NFIB: variants seen among roughly 807,000 people sequenced by gnomAD.
NFIB encodes nuclear factor 1 B-type.
In NFIB, 11 loss-of-function variants were observed where a neutral mutation model predicts 61.5. The observed-to-expected ratio is 0.18, with a 90% CI of 0.11 to 0.30. The LOEUF (loss-of-function observed/expected upper bound fraction) is 0.30. Among genes scored for constraint, NFIB ranks in the 10% least tolerant of loss-of-function variants. NFIB has a pLI of 1.00. For synonymous variants in NFIB, 260 were observed against 216.5 expected (o/e 1.20, Z -1.76); for missense variants, 471 against 608.9 (o/e 0.77, Z 2.38).
In NFIB at chr9:14,307,535, G is replaced by A. The variant is rs115108970; in HGVS notation, c.31-15C>T. On this transcript the variant is annotated splice_polypyrimidine_tract_variant and intron_variant, in intron 1 of 10. Transcript: ENST00000380953. This position sits in a 1 kb window ranked among gnomAD's most constrained non-coding sequence, Gnocchi z 5.3. Reference sequence around the variant, plus strand: ...TGAAATTCATCCTGTGGAAGACAGAGGGGTGAGGAAAAGATGTGCATAGTC... The same window carrying A: ...TGAAATTCATCCTGTGGAAGACAGAAGGGTGAGGAAAAGATGTGCATAGTC... The A allele has an allele frequency of 2.7e-3, 4,293 of 1,568,664 alleles. 89 individuals are homozygous for A. The African/African-American group carries it at 0.049, about 18-fold the overall frequency.
intron 3 of NFIB, among the ~76,000 whole-genome samples, chr9:14,170,373 G>T (rs964979332): frequency 5.3e-5 from 8 of 152,182 alleles, no homozygotes; most frequent in African/African-American, 1.9e-4. Flanking sequence ...CAGGCATGGT[G>T]GCTCATGCTT....
At chr9:14,188,181 T>C (rs2047583092) in intron 2 of NFIB, among the ~76,000 whole-genome samples, 1 of 152,192 alleles carries the variant, frequency 6.6e-6, no homozygotes, top group Admixed American at 6.5e-5. Context: ...GTAAATAAAA[T>C]GTGGTAATTA....
chr9:14,517,378 A>G, the NFIB span, among the ~76,000 whole-genome samples: 1 of 152,146 alleles, frequency 6.6e-6, no homozygotes, highest in East Asian at 1.9e-4. Context: ...CCACTTTCCA[A>G]AAGGGTGCCT....
At chr9:14,432,694 C>A in the NFIB span, among the ~76,000 whole-genome samples, 3 of 152,024 alleles carry the variant, frequency 2.0e-5, no homozygotes, top group Non-Finnish European at 4.4e-5. Flanking sequence ...GGATAAGGGG[C>A]AAGGGGTGAG....
At chr9:14,237,769 T>A (rs1563932463) in intron 2 of NFIB, among the ~76,000 whole-genome samples, 3 of 43,072 alleles carry the variant, frequency 7.0e-5, no homozygotes, top group Non-Finnish European at 1.2e-4. Flanking sequence ...TAACAGTGTG[T>A]GTGTGTGTGT....
chr9:14,237,767 T>TGTGA (rs2053904076), intron 2 of NFIB, among the ~76,000 whole-genome samples: 1 of 19,498 alleles, frequency 5.1e-5, no homozygotes, highest in Non-Finnish European at 2.3e-4. Flanking sequence ...TATAACAGTG[T>TGTGA]GTGTGTGTGT....
At chr9:14,521,470 T>C in the NFIB span, among the ~76,000 whole-genome samples, 3 of 152,162 alleles carry the variant, frequency 2.0e-5, no homozygotes, top group Non-Finnish European at 2.9e-5. Context: ...CTATTTAAAC[T>C]CCCTGGGCCT....
At chr9:14,530,416 G>T in the NFIB span, among the ~76,000 whole-genome samples, 1 of 149,980 alleles carries the variant, frequency 6.7e-6, no homozygotes, top group African/African-American at 2.4e-5. Context: ...GAGAGAGGGA[G>T]AGAGAGAGAG....
chr9:14,464,092 C>A, the NFIB span, among the ~76,000 whole-genome samples: 106,466 of 151,446 alleles, frequency 0.7, 37,794 homozygotes, highest in East Asian at 0.87. Context: ...CCGCTAGTGA[C>A]TGGCTGTGTC....
intron 2 of NFIB, among the ~76,000 whole-genome samples, chr9:14,292,019 T>G (rs900043442): frequency 2.0e-5 from 3 of 152,086 alleles, no homozygotes; most frequent in Admixed American, 6.5e-5. Flanking sequence ...CCTATGAAAA[T>G]GTATAAAAGA....
At chr9:14,284,415 C>CA (rs1180316431) in intron 2 of NFIB, among the ~76,000 whole-genome samples, 1 of 151,830 alleles carries the variant, frequency 6.6e-6, no homozygotes, top group Admixed American at 6.6e-5. Context: ...TCTTTGAAAC[C>CA]AAAAAAATGA....
chr9:14,308,748 G>GTTA (rs2060145466), intron 1 of NFIB, among the ~76,000 whole-genome samples: 1 of 152,156 alleles, frequency 6.6e-6, no homozygotes, highest in Non-Finnish European at 1.5e-5. Flanking sequence ...CCAATCTTTT[G>GTTA]AATTAAGTAG....
At chr9:14,318,499 C>T (rs1404562351), upstream of NFIB, among the ~76,000 whole-genome samples, 2 of 138,868 alleles carry the variant, frequency 1.4e-5, no homozygotes, top group African/African-American at 2.7e-5. Context: ...CCAATACACT[C>T]GATGCCTTTT....
Position 14,120,419 on chromosome 9 carries a change from T to C in NFIB, c.1245+21A>G. ...TCCCATCTCCCTTAGGTGCTAATCTTATTTTCTCTCTTATTTTTACCTGGC... is the reference window on the plus strand; with the variant it reads ...TCCCATCTCCCTTAGGTGCTAATCTCATTTTCTCTCTTATTTTTACCTGGC... On this transcript the variant is annotated intron_variant, in intron 8 of 10. Coordinates refer to ENST00000380953, the MANE Select transcript of NFIB (RefSeq NM_001190737.2). This position sits in a 1 kb window ranked among gnomAD's most constrained non-coding sequence, Gnocchi z 4.4. 6.2e-7 allele frequency: 1 copy of C among 1,612,656 alleles called. No individual in the cohort carries two copies. The highest frequency in any genetic ancestry group is 8.5e-7 in the Non-Finnish European group (1 of 1,178,798).
intron 2 of NFIB, among the ~76,000 whole-genome samples, chr9:14,185,821 C>T (rs139520168): frequency 2.6e-5 from 4 of 152,276 alleles, no homozygotes; most frequent in South Asian, 2.1e-4. Context: ...AGGCTCAATC[C>T]TACTTCCCAA....
intron 10 of NFIB, among the ~76,000 whole-genome samples, chr9:14,092,010 C>CA (rs1468893492): frequency 1.3e-5 from 2 of 152,066 alleles, no homozygotes; most frequent in African/African-American, 2.4e-5. Flanking sequence ...TGGCTCCCCC[C>CA]AAAAGGGAAG....
At chr9:14,416,741 G>A in the NFIB span, among the ~76,000 whole-genome samples, 10 of 151,912 alleles carry the variant, frequency 6.6e-5, no homozygotes, top group Non-Finnish European at 1.0e-4. Flanking sequence ...TGTGGCCCAA[G>A]TGCACAGTCT....
chr9:14,418,758 G>A, the NFIB span, among the ~76,000 whole-genome samples: 3 of 152,130 alleles, frequency 2.0e-5, no homozygotes, highest in East Asian at 5.8e-4. Context: ...AATGTGCCTG[G>A]CTTTATTAAG....
intron 2 of NFIB, among the ~76,000 whole-genome samples, chr9:14,281,286 A>G (rs567687909): frequency 6.6e-6 from 1 of 152,346 alleles, no homozygotes; most frequent in Admixed American, 6.5e-5. Context: ...TCAGAAAACT[A>G]TTAACTGTAA....
Sources: allele counts gnomAD v4.1 joint callset (sites outside exome capture counted in the v4.1 genomes callset), GRCh38; gene constraint gnomAD v4.1.1; non-coding constraint Gnocchi (gnomAD v3.1); transcripts MANE v1.5; gene names NCBI Gene and HGNC (gene_info 2026-07-23, HGNC 2026-07-21).